The following CFAP299 variants were observed in gnomAD, a reference collection of about 807,000 sequenced individuals.
CFAP299 encodes cilia- and flagella-associated protein 299.
In CFAP299, 21 loss-of-function variants were observed where a neutral mutation model predicts 27.0. The observed-to-expected ratio is 0.78, with a 90% confidence interval of 0.55 to 1.12. The LOEUF (loss-of-function observed/expected upper bound fraction) is 1.12. CFAP299 is among the 50% of genes most tolerant of loss of function. The pLI is 0.00. For synonymous variants in CFAP299, 104 were observed against 98.1 expected, an observed-to-expected ratio of 1.06 and a Z score of -0.36; for missense variants, 310 against 276.6, an observed-to-expected ratio of 1.12 and a Z score of -0.86.
intron 2 of CFAP299, among the ~76,000 whole-genome samples, chr4:80,413,091 G>C (rs1258444535): frequency 1.3e-5 from 2 of 152,152 alleles, no homozygotes; most frequent in Non-Finnish European, 2.9e-5. Flanking sequence ...TGTGAGAAGA[G>C]AGTGGACCTT....
rs556577025 is a variant in CFAP299 at position 80,480,279 on chromosome 4, A to G, written c.243-102814A>G. Among the ~76,000 whole-genome samples, 442 of 151,000 alleles carry G rather than the reference A, an allele frequency of 2.9e-3. 4 individuals carry two copies. The highest frequency in any genetic ancestry group is 0.01 in the African/African-American group (426 of 40,694). Reference sequence around the variant, plus strand: ...ACTGAGGCATAATAAAATTTTTTTTAAAGAGTTTATTTGAGCAAATAGTGA... The same window carrying G: ...ACTGAGGCATAATAAAATTTTTTTTGAAGAGTTTATTTGAGCAAATAGTGA... On this transcript the variant is annotated intron_variant, in intron 2 of 5. Transcript: ENST00000358105.
At chr4:80,470,708 G>A (rs913008037) in intron 2 of CFAP299, among the ~76,000 whole-genome samples, 1 of 152,158 alleles carries the variant, frequency 6.6e-6, no homozygotes, top group East Asian at 1.9e-4. Context: ...ATTCAAGGGT[G>A]CATTTCAGAA....
At chr4:80,440,957 T>C (rs931178993) in intron 2 of CFAP299, among the ~76,000 whole-genome samples, 1 of 151,808 alleles carries the variant, frequency 6.6e-6, no homozygotes, top group African/African-American at 2.4e-5. Context: ...AGTAAAGATA[T>C]CAGAGATGGA....
intron 2 of CFAP299, among the ~76,000 whole-genome samples, chr4:80,578,105 G>A (rs1275078800): frequency 6.6e-6 from 1 of 152,146 alleles, no homozygotes; most frequent in Non-Finnish European, 1.5e-5. Context: ...CATTTTGAAA[G>A]TGCAGTGGAG....
intron 2 of CFAP299, among the ~76,000 whole-genome samples, chr4:80,423,570 C>G (rs995291338): frequency 1.3e-5 from 2 of 152,174 alleles, no homozygotes; most frequent in African/African-American, 4.8e-5. Context: ...TCTGGGAGCT[C>G]TCTGACCCCC....
intron 2 of CFAP299, among the ~76,000 whole-genome samples, chr4:80,363,824 C>T (rs1225119841): frequency 2.6e-5 from 4 of 152,014 alleles, no homozygotes; most frequent in East Asian, 1.9e-4. Flanking sequence ...CGTGGTGGCT[C>T]ACGCCTGTAA....
intron 2 of CFAP299, among the ~76,000 whole-genome samples, chr4:80,513,087 A>G (rs1438724389): frequency 2.0e-5 from 3 of 152,202 alleles, no homozygotes; most frequent in African/African-American, 7.2e-5. Flanking sequence ...CCCTGATATT[A>G]GCAAGACCAT....
intron 4 of CFAP299, among the ~76,000 whole-genome samples, chr4:80,880,655 G>A (rs1176401431): frequency 6.6e-6 from 1 of 152,122 alleles, no homozygotes; most frequent in Non-Finnish European, 1.5e-5. Flanking sequence ...GAACCCAGGA[G>A]GCGGAGGTTG....
intron 3 of CFAP299, among the ~76,000 whole-genome samples, chr4:80,667,530 A>G (rs1473811189): frequency 6.6e-6 from 1 of 152,094 alleles, no homozygotes; most frequent in Non-Finnish European, 1.5e-5. Flanking sequence ...GTCACCACCA[A>G]TCTACTGTCT....
intron 3 of CFAP299, among the ~76,000 whole-genome samples, chr4:80,797,255 C>A (rs1228797155): frequency 1.3e-5 from 2 of 152,136 alleles, no homozygotes; most frequent in African/African-American, 4.8e-5. Flanking sequence ...GGTCCTTCCT[C>A]AAGGGGACCC....
intron 4 of CFAP299, among the ~76,000 whole-genome samples, chr4:80,875,237 C>T (rs184684966): frequency 6.6e-6 from 1 of 152,282 alleles, no homozygotes; most frequent in East Asian, 1.9e-4. Flanking sequence ...AGCAATTAGT[C>T]ATTGGACCAG....
intron 3 of CFAP299, among the ~76,000 whole-genome samples, chr4:80,858,815 A>T (rs1214796624): frequency 6.6e-6 from 1 of 151,614 alleles, no homozygotes; most frequent in East Asian, 1.9e-4. Flanking sequence ...TGCTGAGGAG[A>T]GCTTTACTTC....
chr4:80,594,309 A>G (rs1736942196), intron 3 of CFAP299, among the ~76,000 whole-genome samples: 1 of 152,144 alleles, frequency 6.6e-6, no homozygotes, highest in African/African-American at 2.4e-5. Context: ...AAACACTTAT[A>G]AAACCATCAG....
chr4:80,810,966 C>T (rs537092239), intron 3 of CFAP299, among the ~76,000 whole-genome samples: 5 of 152,164 alleles, frequency 3.3e-5, no homozygotes, highest in African/African-American at 1.2e-4. Context: ...GTCTTATTTT[C>T]TTTGTACCTG....
At chr4:80,857,323 C>G (rs1386412417) in intron 3 of CFAP299, among the ~76,000 whole-genome samples, 4 of 152,170 alleles carry the variant, frequency 2.6e-5, no homozygotes, top group Non-Finnish European at 2.9e-5. Context: ...ATGGGGTTTT[C>G]TAGATTTTAC....
At chr4:80,865,020 T>C (rs1732639447) in intron 3 of CFAP299, among the ~76,000 whole-genome samples, 1 of 152,120 alleles carries the variant, frequency 6.6e-6, no homozygotes, top group Non-Finnish European at 1.5e-5. Context: ...GATAAGAACC[T>C]GAATATCATG....
intron 5 of CFAP299, among the ~76,000 whole-genome samples, chr4:80,961,625 G>A (rs185059996): frequency 5.9e-5 from 9 of 151,816 alleles, no homozygotes; most frequent in Non-Finnish European, 1.2e-4. Flanking sequence ...AGAGATAAAG[G>A]TCTTTCTAAA....
At chr4:80,450,148 G>A (rs1486184318) in intron 2 of CFAP299, among the ~76,000 whole-genome samples, 1 of 152,082 alleles carries the variant, frequency 6.6e-6, no homozygotes. Flanking sequence ...GAGGATTAAT[G>A]ACTAAAGCCA....
chr4:80,407,007 A>T (rs1031554758), intron 2 of CFAP299, among the ~76,000 whole-genome samples: 14 of 152,176 alleles, frequency 9.2e-5, no homozygotes, highest in African/African-American at 3.4e-4. Context: ...GCAAAATTTT[A>T]TATTACTCTA....
Sources: gnomAD v4.1 joint callset for allele counts (sites outside exome capture counted in the v4.1 genomes callset) on GRCh38, gnomAD v4.1.1 for gene constraint, MANE v1.5 for transcripts, NCBI Gene and HGNC (gene_info 2026-07-23, HGNC 2026-07-21) for gene names.